Variants in CNTNAP4 observed in about 807,000 individuals in gnomAD.
The protein encoded by CNTNAP4 is contactin associated protein family member 4, also known as contactin-associated protein-like 4.
Under a neutral mutation model 148.4 loss-of-function variants are expected in CNTNAP4, and 98 were observed. The ratio of observed to expected loss-of-function variants is 0.66; its 90% CI spans 0.56 to 0.78. CNTNAP4 has a LOEUF of 0.78. Among genes scored for constraint, CNTNAP4 ranks in the 30% least tolerant of loss-of-function variants. The probability of loss-of-function intolerance (pLI) is 0.00; values close to 1 mark genes in which losing one functional copy is unlikely to be tolerated. For synonymous variants in CNTNAP4, 730 were observed against 565.1 expected (o/e 1.29, Z -4.14); for missense variants, 1,935 against 1,565.6 (o/e 1.24, Z -3.98).
chr16:76,427,765 C>T (rs1470288298), intron 4 of CNTNAP4, among the ~76,000 whole-genome samples, 166 bp downstream of exon 4: 1 of 152,156 alleles, frequency 6.6e-6, no homozygotes, highest in African/African-American at 2.4e-5. Flanking sequence ...CCAATATTGA[C>T]TTTCATGTTC....
intron 3 of CNTNAP4, among the ~76,000 whole-genome samples, chr16:76,403,235 G>A (rs548861261): frequency 2.0e-4 from 30 of 152,050 alleles, no homozygotes; most frequent in African/African-American, 7.2e-4. Context: ...TGGGACTACA[G>A]GCACCTGCCA....
At chr16:76,371,299 T>G (rs2014792239) in intron 3 of CNTNAP4, among the ~76,000 whole-genome samples, 1 of 152,180 alleles carries the variant, frequency 6.6e-6, no homozygotes, top group African/African-American at 2.4e-5. Flanking sequence ...TGTTTTGTTT[T>G]GTTTTGAAAT....
intron 3 of CNTNAP4, among the ~76,000 whole-genome samples, chr16:76,358,413 G>C (rs2012982178): frequency 6.6e-6 from 1 of 152,176 alleles, no homozygotes; most frequent in African/African-American, 2.4e-5. Flanking sequence ...AGATTAAGCG[G>C]AACATGCAAA....
chr16:76,396,012 A>G (rs554459916), intron 3 of CNTNAP4, among the ~76,000 whole-genome samples: 1 of 152,326 alleles, frequency 6.6e-6, no homozygotes, highest in Admixed American at 6.5e-5. Flanking sequence ...TACAGGCATG[A>G]GCCACTGTGT....
intron 1 of CNTNAP4, among the ~76,000 whole-genome samples, chr16:76,314,216 T>C (rs1021836893): frequency 2.0e-5 from 3 of 152,254 alleles, no homozygotes; most frequent in Admixed American, 2.0e-4. Context: ...ATCATAATTA[T>C]AAGCCTTTGA....
chr16:76,289,178 A>T (rs1959010943), intron 1 of CNTNAP4, among the ~76,000 whole-genome samples: 1 of 152,186 alleles, frequency 6.6e-6, no homozygotes, highest in Non-Finnish European at 1.5e-5. Context: ...GTATAAAATA[A>T]AATTGGAACA....
chr16:76,326,140 C>G (rs532680844), intron 2 of CNTNAP4, among the ~76,000 whole-genome samples: 1 of 152,142 alleles, frequency 6.6e-6, no homozygotes, highest in African/African-American at 2.4e-5. Context: ...CCAGCATAAC[C>G]TTGATACCAA....
intron 3 of CNTNAP4, among the ~76,000 whole-genome samples, chr16:76,369,150 A>G (rs925411857): frequency 6.6e-6 from 1 of 152,136 alleles, no homozygotes. Flanking sequence ...AATAGAAATA[A>G]CACATCCTAA....
intron 12 of CNTNAP4, among the ~76,000 whole-genome samples, chr16:76,486,052 C>T (rs1331644666): frequency 6.6e-6 from 1 of 152,186 alleles, no homozygotes; most frequent in Non-Finnish European, 1.5e-5. Context: ...TAAAAAATAG[C>T]AGCCAGCCTA....
intron 15 of CNTNAP4, among the ~76,000 whole-genome samples, chr16:76,502,260 A>C (rs1247350192): frequency 6.6e-6 from 1 of 152,190 alleles, no homozygotes. Context: ...TATTTTCTGC[A>C]TGAAGCGTTC....
intron 3 of CNTNAP4, among the ~76,000 whole-genome samples, chr16:76,363,948 T>C (rs2013766066): frequency 6.6e-6 from 1 of 151,970 alleles, no homozygotes; most frequent in Non-Finnish European, 1.5e-5. Context: ...TTTACCTTAA[T>C]ATATAATATA....
chr16:76,338,036 C>G (rs1964165588), intron 2 of CNTNAP4, among the ~76,000 whole-genome samples: 1 of 152,166 alleles, frequency 6.6e-6, no homozygotes, highest in African/African-American at 2.4e-5. Flanking sequence ...ACAATCATCA[C>G]AGGATCCTGA....
chr16:76,346,876 T>C (rs9924922), intron 2 of CNTNAP4, among the ~76,000 whole-genome samples: 5,278 of 152,216 alleles, frequency 0.035, 302 homozygotes, highest in African/African-American at 0.12. Flanking sequence ...ATTAAAGATT[T>C]CAGAAATGTC....
intron 8 of CNTNAP4, among the ~76,000 whole-genome samples, chr16:76,460,773 A>AAAAAAAAAAAAAAAATATATATATAT: frequency 1.7e-5 from 1 of 57,326 alleles, no homozygotes; most frequent in Non-Finnish European, 3.3e-5. Context: ...AAAAAAAAAA[A>AAAAAAAAAAAAAAAATATATATATAT]ATATATATAT....
chr16:76,518,167 A>T (rs62048217), intron 15 of CNTNAP4, among the ~76,000 whole-genome samples: 7,435 of 152,180 alleles, frequency 0.049, 224 homozygotes, highest in South Asian at 0.1. Context: ...TCATTCTGTC[A>T]TCCAGGCTGG....
chr16:76,309,768 G>A (rs1406793439), intron 1 of CNTNAP4: 7 of 687,232 alleles, frequency 1.0e-5, no homozygotes, highest in Admixed American at 6.1e-5. Context: ...GGGTGGTCCG[G>A]GCTTTCCCGT....
intron 12 of CNTNAP4, among the ~76,000 whole-genome samples, chr16:76,483,469 T>C (rs1385794328): frequency 6.6e-6 from 1 of 152,200 alleles, no homozygotes; most frequent in Non-Finnish European, 1.5e-5. Context: ...AAAGACACCT[T>C]ATTTAATACA....
chr16:76,495,060 A>G lies in CNTNAP4; in HGVS notation c.2231A>G (p.Asn744Ser). Reference sequence around the variant, plus strand: ...TACTGCAATTGTGATGCTGACCGGAATGAATGGTGATTTCCATATGATTTC... The same window carrying G: ...TACTGCAATTGTGATGCTGACCGGAGTGAATGGTGATTTCCATATGATTTC... ...QYYCNCDADR[N>S]EWTNDTGLLA... is the part of the protein sequence containing the mutation. Residue 744 changes from asparagine (N) to serine (S), a missense_variant, in exon 14 of 24, where the codon AAT (asparagine) becomes AGT (serine). Coordinates refer to ENST00000611870, the MANE Select transcript of CNTNAP4 (RefSeq NM_033401.5). 1 of 1,612,802 alleles carries G rather than the reference A, an allele frequency of 6.2e-7. No homozygotes were observed. Among genetic ancestry groups the G allele is most frequent in the Non-Finnish European group, 8.5e-7 (1 of 1,179,200 alleles).
intron 3 of CNTNAP4, among the ~76,000 whole-genome samples, chr16:76,357,739 A>C (rs889014736): frequency 6.6e-6 from 1 of 152,190 alleles, no homozygotes; most frequent in Non-Finnish European, 1.5e-5. Flanking sequence ...GATCACTCTA[A>C]AAGTGACTCT....
Sources: allele counts gnomAD v4.1 joint callset (sites outside exome capture counted in the v4.1 genomes callset), GRCh38; gene constraint gnomAD v4.1.1; transcripts MANE v1.5; gene names NCBI Gene and HGNC (gene_info 2026-07-23, HGNC 2026-07-21).